The following SLC6A2 variants were observed in gnomAD, a reference collection of about 807,000 sequenced individuals.
SLC6A2 encodes the protein solute carrier family 6 member 2, also known as sodium-dependent noradrenaline transporter.
In SLC6A2, 26 loss-of-function variants were observed where a neutral mutation model predicts 71.7. That is an observed-to-expected ratio of 0.36 (90% CI 0.27 to 0.50). The LOEUF (loss-of-function observed/expected upper bound fraction) is 0.50, where lower values mean the gene tolerates loss of function less well. SLC6A2 is among the 20% of genes least tolerant of loss of function. SLC6A2 has a pLI of 0.96. For synonymous variants in SLC6A2, 363 were observed against 337.9 expected (o/e 1.07, Z -0.82); for missense variants, 581 against 803.9 (o/e 0.72, Z 3.35).
chr16:55,682,806 T>C (rs1241220492), intron 4 of SLC6A2, among the ~76,000 whole-genome samples: 1 of 152,102 alleles, frequency 6.6e-6, no homozygotes, highest in Non-Finnish European at 1.5e-5. Context: ...TGCCTCTGAG[T>C]GTGAGGCACA....
At chr16:55,698,296 G>A (rs1217742757) in intron 10 of SLC6A2, among the ~76,000 whole-genome samples, 173 bp from the exon 11 acceptor site, 1 of 152,158 alleles carries the variant, frequency 6.6e-6, no homozygotes, top group Non-Finnish European at 1.5e-5. Context: ...TTTATTGGCT[G>A]AAACTGAGGT....
intron 2 of SLC6A2, among the ~76,000 whole-genome samples, chr16:55,668,374 G>A (rs1351753782): frequency 1.3e-5 from 2 of 152,174 alleles, no homozygotes; most frequent in African/African-American, 2.4e-5. Flanking sequence ...AGAAGGGGAC[G>A]AGCAAGTGTG....
intron 5 of SLC6A2, among the ~76,000 whole-genome samples, chr16:55,690,230 T>C (rs529478175): frequency 6.6e-6 from 1 of 152,302 alleles, no homozygotes; most frequent in South Asian, 2.1e-4. Context: ...AATAAACATT[T>C]ATTTGGACTC....
chr16:55,681,886 A>T (rs1965283067), intron 4 of SLC6A2, among the ~76,000 whole-genome samples: 1 of 152,164 alleles, frequency 6.6e-6, no homozygotes, highest in South Asian at 2.1e-4. Context: ...TTTGCCTTTA[A>T]CACTTTAGTG....
intron 2 of SLC6A2, among the ~76,000 whole-genome samples, chr16:55,661,501 T>C (rs1205053353): frequency 6.6e-6 from 1 of 152,204 alleles, no homozygotes; most frequent in Non-Finnish European, 1.5e-5. Flanking sequence ...GCTCCATAAA[T>C]GTAGTCATTA....
intron 5 of SLC6A2, among the ~76,000 whole-genome samples, chr16:55,690,174 A>G (rs1215622011): frequency 6.6e-6 from 1 of 151,898 alleles, no homozygotes; most frequent in Non-Finnish European, 1.5e-5. Context: ...TTTACCTAAC[A>G]ATCCAATCAT....
chr16:55,656,314 T>C lies in SLC6A2; in HGVS notation c.-52+145T>C. The C allele has an allele frequency of 2.8e-6, 1 of 360,058 alleles. No homozygotes were observed. The highest frequency in any genetic ancestry group is 7.2e-5 in the East Asian group (1 of 13,796). The allele number at this position is 360,058 out of a possible 1,614,324, so 22.3% of individuals were successfully genotyped here. On this transcript the variant is annotated intron_variant, in intron 1 of 14. Coordinates refer to ENST00000568943, the MANE Select transcript of SLC6A2 (RefSeq NM_001172501.3). The surrounding 1 kb of genome is among the most constrained non-coding windows in gnomAD (Gnocchi z 4.5). The stretch of plus-strand genomic sequence containing the variant: ...TGTGGCTGTTGAAGTGTCGCGGACC[T>C]GAGCTGGGGAGGGGGTCGGCACGCT...
chr16:55,695,460 C>A, intron 8 of SLC6A2, 58 bp downstream of exon 8: 1 of 1,597,488 alleles, frequency 6.3e-7, no homozygotes, highest in South Asian at 1.1e-5. Context: ...AGAAGCCCAC[C>A]TTATTCTTGG....
chr16:55,667,444 TGCAGCTTG>T (rs1964785051), intron 2 of SLC6A2, among the ~76,000 whole-genome samples: 1 of 152,248 alleles, frequency 6.6e-6, no homozygotes, highest in African/African-American at 2.4e-5. Context: ...AAAACTTGTG[TGCAGCTTG>T]GCATATAACA....
chr16:55,682,568 AG>A (rs1336176132), intron 4 of SLC6A2, among the ~76,000 whole-genome samples: 1 of 152,258 alleles, frequency 6.6e-6, no homozygotes, highest in Non-Finnish European at 1.5e-5. Flanking sequence ...TTCTGGGCTT[AG>A]CACTGGGGAC....
At chr16:55,673,806 C>G (rs868475803) in intron 4 of SLC6A2, among the ~76,000 whole-genome samples, 1 of 152,184 alleles carries the variant, frequency 6.6e-6, no homozygotes. Flanking sequence ...AGGTGATCCA[C>G]CCATTTTGGC....
intron 2 of SLC6A2, among the ~76,000 whole-genome samples, chr16:55,660,478 G>A (rs1476561762): frequency 6.6e-6 from 1 of 152,160 alleles, no homozygotes; most frequent in Non-Finnish European, 1.5e-5. Context: ...CTTTATCTCT[G>A]CGGAGGCCTC....
At chr16:55,702,048 T>C in intron 14 of SLC6A2, 114 bp downstream of exon 14, 4 of 882,674 alleles carry the variant, frequency 4.5e-6, no homozygotes, top group South Asian at 2.8e-5. Flanking sequence ...AAACCCAGTG[T>C]GAGCTGCCTT....
In SLC6A2 at chr16:55,656,354, T is replaced by G; in HGVS notation, c.-52+185T>G. 1 of 404,844 alleles carries G rather than the reference T, an allele frequency of 2.5e-6. No individual in the cohort carries two copies. Among genetic ancestry groups the G allele is most frequent in the Non-Finnish European group, 4.6e-6 (1 of 217,394 alleles). The allele number at this position is 404,844 out of a possible 1,614,324, so 25.1% of individuals were successfully genotyped here. ...GTCGGCACGCTGCCCTCAGCCTCGG[T>G]GAGTTCAATCCCAGCCATTTGGGGC... On this transcript the variant is annotated intron_variant, in intron 1 of 14. Coordinates refer to ENST00000568943, the MANE Select transcript of SLC6A2 (RefSeq NM_001172501.3). This position sits in a 1 kb window ranked among gnomAD's most constrained non-coding sequence, Gnocchi z 4.5.
chr16:55,659,459 C>T (rs1288093400), intron 2 of SLC6A2, among the ~76,000 whole-genome samples: 6 of 152,074 alleles, frequency 3.9e-5, no homozygotes, highest in Admixed American at 6.6e-5. Flanking sequence ...TGAAGCTGAC[C>T]GAGGGCACTT....
Position 55,696,232 on chromosome 16 carries a change from C to T in SLC6A2, c.1155C>T (p.Gly385=). The T allele has an allele frequency of 1.2e-6, 2 of 1,602,132 alleles. No individual in the cohort carries two copies. Among genetic ancestry groups the T allele is most frequent in the African/African-American group, 1.3e-5 (1 of 74,766 alleles). Residue 385 remains glycine (G), a synonymous_variant, in exon 9 of 15, where the codon GGC becomes GGT. Transcript: ENST00000568943. ...CCTTGATGTTTCTTACAGGAGCTGG[C>T]CTAGTGTTCATCCTGTATCCAGAGG... ...NIEDVATEGA[G]LVFILYPEAI... is the part of the protein sequence containing the mutation.
Position 55,701,853 on chromosome 16 carries a change from T to C in SLC6A2, c.1759-10T>C, listed in dbSNP as rs990118242. ...CAAGCTGAGGCCTCCTCCCCTTCTCTTCCTTTCAGAGACTGGCCTATGGCA... is the reference window on the plus strand; with the variant it reads ...CAAGCTGAGGCCTCCTCCCCTTCTCCTCCTTTCAGAGACTGGCCTATGGCA... On this transcript the variant is annotated splice_polypyrimidine_tract_variant and intron_variant, in intron 13 of 14. Transcript: ENST00000568943. The C allele has an allele frequency of 1.2e-6, 2 of 1,613,128 alleles. No individual in the cohort carries two copies. Among genetic ancestry groups the C allele is most frequent in the African/African-American group, 1.3e-5 (1 of 75,044 alleles).
At chr16:55,660,046 C>T (rs1406953923) in intron 2 of SLC6A2, among the ~76,000 whole-genome samples, 1 of 152,156 alleles carries the variant, frequency 6.6e-6, no homozygotes, top group African/African-American at 2.4e-5. Context: ...GTGCTTTAGA[C>T]AAATGCTCTA....
At chr16:55,691,230 GGAGAGAGAGAGAGAGAGAGAGAGAGA>G (rs56308124) in intron 5 of SLC6A2, among the ~76,000 whole-genome samples, 17 of 46,464 alleles carry the variant, frequency 3.7e-4, no homozygotes, top group Admixed American at 1.1e-3. Context: ...GGGGAGAGGG[GGAGAGAGAGAGAGAGAGAGAGAGAGA>G]GAGAGAGAGA....
Sources: allele counts gnomAD v4.1 joint callset (sites outside exome capture counted in the v4.1 genomes callset), GRCh38; gene constraint gnomAD v4.1.1; non-coding constraint Gnocchi (gnomAD v3.1); transcripts MANE v1.5; gene names NCBI Gene and HGNC (gene_info 2026-07-23, HGNC 2026-07-21).